Variants in MAGI2 observed in about 807,000 individuals in gnomAD.
MAGI2 encodes membrane-associated guanylate kinase, WW and PDZ domain-containing protein 2.
Under a neutral mutation model 133.3 loss-of-function variants are expected in MAGI2, and 35 were observed. The ratio of observed to expected loss-of-function variants is 0.26; its 90% CI spans 0.20 to 0.35. MAGI2 has a LOEUF of 0.35. MAGI2 is among the 10% of genes least tolerant of loss of function. MAGI2 has a pLI of 1.00. For missense variants in MAGI2, 1,636 were observed against 1,863.4 expected, an observed-to-expected ratio of 0.88 and a Z score of 2.25; for synonymous variants, 729 against 710.6, an observed-to-expected ratio of 1.03 and a Z score of -0.41.
At chr7:78,128,334 G>T (rs1057118240) in intron 18 of MAGI2, among the ~76,000 whole-genome samples, 3 of 152,148 alleles carry the variant, frequency 2.0e-5, no homozygotes, top group Non-Finnish European at 4.4e-5. Context: ...TGTCACCATG[G>T]TATGGAGGCC....
At chr7:78,218,735 CTG>C (rs1788511047) in intron 10 of MAGI2, among the ~76,000 whole-genome samples, 1 of 152,342 alleles carries the variant, frequency 6.6e-6, no homozygotes, top group South Asian at 2.1e-4. Context: ...CCTAGGGACT[CTG>C]TGGGTCTGTT....
chr7:78,860,289 G>C (rs1363253727), intron 2 of MAGI2, among the ~76,000 whole-genome samples: 2 of 152,158 alleles, frequency 1.3e-5, no homozygotes, highest in Non-Finnish European at 2.9e-5. Flanking sequence ...CATTGCTGAG[G>C]AGGAGCTGCA....
chr7:79,003,046 G>A (rs752762792), intron 2 of MAGI2, among the ~76,000 whole-genome samples: 92 of 151,824 alleles, frequency 6.1e-4, no homozygotes, highest in Admixed American at 1.2e-3. Context: ...TGTAGTTAAG[G>A]GTCAGTGGAG....
At chr7:78,339,769 C>G (rs1181122347) in intron 9 of MAGI2, among the ~76,000 whole-genome samples, 1 of 152,134 alleles carries the variant, frequency 6.6e-6, no homozygotes, top group Non-Finnish European at 1.5e-5. Flanking sequence ...GTTGGACACC[C>G]TCTAACTCAC....
intron 1 of MAGI2, among the ~76,000 whole-genome samples, chr7:79,229,436 G>A (rs572314395): frequency 6.6e-6 from 1 of 152,202 alleles, no homozygotes; most frequent in South Asian, 2.1e-4. Context: ...CATAGAAGGG[G>A]GAAAAACTTG....
chr7:79,150,767 G>T (rs1823138913), intron 1 of MAGI2, among the ~76,000 whole-genome samples: 1 of 151,502 alleles, frequency 6.6e-6, no homozygotes, highest in Non-Finnish European at 1.5e-5. Context: ...ATAAATTTGT[G>T]GGACTATACA....
At chr7:78,950,488 T>C (rs939798993) in intron 2 of MAGI2, among the ~76,000 whole-genome samples, 4 of 152,226 alleles carry the variant, frequency 2.6e-5, no homozygotes, top group Non-Finnish European at 5.9e-5. Context: ...TACACATTTT[T>C]AGCACTGTTT....
intron 1 of MAGI2, among the ~76,000 whole-genome samples, chr7:79,155,627 AG>A (rs1456423189): frequency 1.3e-4 from 20 of 152,114 alleles, no homozygotes; most frequent in Admixed American, 1.3e-4. Flanking sequence ...AAAAAGGCAA[AG>A]GGGGACCAGA....
chr7:78,947,076 A>T (rs1801476050), intron 2 of MAGI2: 1 of 152,110 alleles, frequency 6.6e-6, no homozygotes, highest in South Asian at 2.1e-4. Flanking sequence ...TTACTTATGA[A>T]TGACTTTCAA....
chr7:79,391,506 G>GAC (rs1554469509), intron 1 of MAGI2, among the ~76,000 whole-genome samples: 19 of 25,288 alleles, frequency 7.5e-4, no homozygotes, highest in African/African-American at 1.7e-3. Context: ...TATATATATA[G>GAC]ACATATATAT....
intron 3 of MAGI2, among the ~76,000 whole-genome samples, chr7:78,559,616 C>A (rs779396710): frequency 2.0e-5 from 3 of 152,042 alleles, no homozygotes; most frequent in Admixed American, 1.3e-4. Context: ...TGAAAGGGAA[C>A]CCACAGAGTA....
chr7:78,258,807 T>C (rs999550011), intron 9 of MAGI2, among the ~76,000 whole-genome samples: 3 of 152,220 alleles, frequency 2.0e-5, no homozygotes, highest in African/African-American at 4.8e-5. Flanking sequence ...TAGTGATGGC[T>C]ATATTACTAC....
At chr7:79,173,247 G>T (rs1825784621) in intron 1 of MAGI2, among the ~76,000 whole-genome samples, 2 of 151,318 alleles carry the variant, frequency 1.3e-5, no homozygotes, top group African/African-American at 4.8e-5. Context: ...AATACTCAGA[G>T]AAATAAAAAA....
intron 4 of MAGI2, among the ~76,000 whole-genome samples, chr7:78,507,367 A>G (rs1795179280): frequency 1.3e-5 from 2 of 152,166 alleles, no homozygotes; most frequent in South Asian, 4.1e-4. Flanking sequence ...CAGGGCTTCC[A>G]TGTAAGGGTA....
chr7:78,564,869 C>G (rs1800778516), intron 3 of MAGI2, among the ~76,000 whole-genome samples: 1 of 134,946 alleles, frequency 7.4e-6, no homozygotes, highest in Admixed American at 8.3e-5. Flanking sequence ...TCTCTGCTCA[C>G]TGCAAGCTCC....
intron 6 of MAGI2, among the ~76,000 whole-genome samples, chr7:78,422,167 C>A (rs1798860425): frequency 6.6e-6 from 1 of 152,128 alleles, no homozygotes; most frequent in African/African-American, 2.4e-5. Flanking sequence ...GGAGCAGCTG[C>A]AGGGCACAGG....
At chr7:78,378,579 T>G (rs1308772706) in intron 6 of MAGI2, among the ~76,000 whole-genome samples, 3 of 152,064 alleles carry the variant, frequency 2.0e-5, no homozygotes, top group Non-Finnish European at 4.4e-5. Flanking sequence ...AGCAGCATTT[T>G]AAAGACTCTC....
chr7:78,761,721 G>A (rs961640351), intron 2 of MAGI2, among the ~76,000 whole-genome samples: 2 of 152,218 alleles, frequency 1.3e-5, no homozygotes, highest in Non-Finnish European at 2.9e-5. Context: ...GCCTCCCAAA[G>A]AGCTGGGATT....
intron 1 of MAGI2, among the ~76,000 whole-genome samples, chr7:79,213,023 C>A (rs1371015025): frequency 6.6e-6 from 1 of 151,828 alleles, no homozygotes; most frequent in East Asian, 1.9e-4. Context: ...ATTCTGTTAC[C>A]TGGATTGCTT....
Sources: allele counts gnomAD v4.1 joint callset (sites outside exome capture counted in the v4.1 genomes callset), GRCh38; gene constraint gnomAD v4.1.1; transcripts MANE v1.5; gene names NCBI Gene and HGNC (gene_info 2026-07-23, HGNC 2026-07-21).